Variants in OLFM2 observed in about 807,000 individuals in gnomAD.
OLFM2 encodes the protein noelin-2.
A neutral mutation model predicts 43.9 loss-of-function variants in OLFM2; 20 were observed. The observed-to-expected ratio is 0.46, with a 90% CI of 0.32 to 0.66. The LOEUF (loss-of-function observed/expected upper bound fraction) is 0.66. Among genes scored for constraint, OLFM2 ranks in the 30% least tolerant of loss-of-function variants. The pLI, the probability that OLFM2 is intolerant of heterozygous loss-of-function variation, is 0.04. For synonymous variants in OLFM2, 268 were observed against 278.6 expected, an observed-to-expected ratio of 0.96 and a Z score of 0.38; for missense variants, 416 against 643.6, an observed-to-expected ratio of 0.65 and a Z score of 3.83.
intron 1 of OLFM2, among the ~76,000 whole-genome samples, chr19:9,901,812 A>G (rs1420200944): frequency 6.6e-6 from 1 of 152,212 alleles, no homozygotes; most frequent in Non-Finnish European, 1.5e-5. Context: ...GAGTATCTGG[A>G]CATGCCTGTA....
At chr19:9,919,093 T>C (rs573418811) in intron 1 of OLFM2, among the ~76,000 whole-genome samples, 4 of 152,278 alleles carry the variant, frequency 2.6e-5, no homozygotes, top group East Asian at 3.9e-4. Context: ...TCCCAGCACC[T>C]TGGGAAGCTG....
intron 1 of OLFM2, chr19:9,913,655 C>CA: frequency 8.4e-7 from 1 of 1,189,810 alleles, no homozygotes; most frequent in Non-Finnish European, 1.0e-6. Context: ...GCCCGCCGCG[C>CA]GTCCCTTCTC....
At chr19:9,910,838 T>G (rs1030882900) in intron 1 of OLFM2, among the ~76,000 whole-genome samples, 4 of 151,766 alleles carry the variant, frequency 2.6e-5, no homozygotes, top group Non-Finnish European at 4.4e-5. Context: ...GATGTACAGA[T>G]GGATGGACAG....
intron 1 of OLFM2, among the ~76,000 whole-genome samples, chr19:9,867,447 C>T (rs945867403): frequency 6.6e-6 from 1 of 152,062 alleles, no homozygotes; most frequent in African/African-American, 2.4e-5. Context: ...GCTACAGGGT[C>T]CTGGGGACAG....
chr19:9,864,668 C>G (rs1036591921), intron 1 of OLFM2, among the ~76,000 whole-genome samples: 1 of 151,710 alleles, frequency 6.6e-6, no homozygotes, highest in Non-Finnish European at 1.5e-5. Context: ...TCACCCACCA[C>G]TGGAGTGCAG....
intron 1 of OLFM2, among the ~76,000 whole-genome samples, chr19:9,916,857 T>G (rs1568385821): frequency 6.6e-6 from 1 of 152,170 alleles, no homozygotes; most frequent in Non-Finnish European, 1.5e-5. Context: ...TAGATCATTC[T>G]CACAGTCAGT....
In OLFM2 at chr19:9,936,380, C is replaced by G; in HGVS notation, c.-14G>C. On this transcript the variant is annotated 5_prime_UTR_variant, in exon 1 of 6. Coordinates refer to ENST00000264833, the MANE Select transcript of OLFM2 (RefSeq NM_058164.4). The stretch of plus-strand genomic sequence containing the variant: ...GAGCGGCCACATGACGCGCCCCTAG[C>G]CCGGCGTCCCGACCCCCGCCCGCCC... 1 of 1,437,024 alleles carries G rather than the reference C, an allele frequency of 7.0e-7. No homozygotes were observed. The allele number at this position is 1,437,024 out of a possible 1,614,324, so 89.0% of individuals were successfully genotyped here. A position where few individuals can be genotyped will look rare whatever the true frequency, so the allele number is the denominator to read the frequency against.
intron 1 of OLFM2, among the ~76,000 whole-genome samples, chr19:9,900,955 G>GA (rs1183257743): frequency 3.3e-5 from 1 of 30,040 alleles, no homozygotes; most frequent in Non-Finnish European, 5.7e-5. Flanking sequence ...GGGAAGGAAG[G>GA]AAGGAAGGAA....
chr19:9,911,825 T>G (rs1240037472), intron 1 of OLFM2, among the ~76,000 whole-genome samples: 1 of 152,190 alleles, frequency 6.6e-6, no homozygotes, highest in Non-Finnish European at 1.5e-5. Flanking sequence ...ATTTGGCTTC[T>G]GATTTCAATG....
chr19:9,860,578 G>A, intron 2 of OLFM2, 67 bp downstream of exon 2: 1 of 1,527,964 alleles, frequency 6.5e-7, no homozygotes. Flanking sequence ...CCTGGATGGG[G>A]CTGGAGGGCG....
intron 1 of OLFM2, among the ~76,000 whole-genome samples, chr19:9,933,097 TTCC>T (rs2086493644): frequency 6.6e-6 from 1 of 152,146 alleles, no homozygotes; most frequent in Non-Finnish European, 1.5e-5. Flanking sequence ...GCACCTTCTG[TTCC>T]TCCCACCTTC....
chr19:9,922,273 TACACACACACACAC>T (rs35308457), intron 1 of OLFM2, among the ~76,000 whole-genome samples: 18 of 150,236 alleles, frequency 1.2e-4, no homozygotes, highest in African/African-American at 4.2e-4. Flanking sequence ...AAAATCTAGA[TACACACACACACAC>T]ACACACATTC....
intron 1 of OLFM2, among the ~76,000 whole-genome samples, chr19:9,871,140 G>A (rs1568370782): frequency 6.6e-6 from 1 of 151,930 alleles, no homozygotes; most frequent in African/African-American, 2.4e-5. Flanking sequence ...GCATGGTGGC[G>A]AGAGCCTGTA....
intron 1 of OLFM2, among the ~76,000 whole-genome samples, chr19:9,872,119 C>A (rs574597195): frequency 4.6e-5 from 7 of 152,228 alleles, no homozygotes; most frequent in African/African-American, 1.2e-4. Context: ...TGACAGGGGG[C>A]CACGTCCCTT....
chr19:9,876,265 C>A (rs10402492), intron 1 of OLFM2, among the ~76,000 whole-genome samples: 148,247 of 152,278 alleles, frequency 0.97, 72,451 homozygotes, highest in Middle Eastern at 1. Flanking sequence ...TCAATCCGTC[C>A]GCGTGTGGAA....
chr19:9,861,984 C>T (rs549280618), intron 1 of OLFM2, among the ~76,000 whole-genome samples: 3 of 151,016 alleles, frequency 2.0e-5, no homozygotes, highest in South Asian at 4.2e-4. Context: ...TGCGCCACTG[C>T]GCTCCAGCCT....
chr19:9,916,331 T>C (rs1447183756), intron 1 of OLFM2, among the ~76,000 whole-genome samples: 1 of 152,138 alleles, frequency 6.6e-6, no homozygotes, highest in African/African-American at 2.4e-5. Flanking sequence ...CACTCCAGCC[T>C]GGGCGACAGA....
At chr19:9,872,772 G>A (rs1229074102) in intron 1 of OLFM2, among the ~76,000 whole-genome samples, 1 of 151,140 alleles carries the variant, frequency 6.6e-6, no homozygotes, top group African/African-American at 2.4e-5. Flanking sequence ...TCATTCATCT[G>A]CTCATCCATT....
chr19:9,893,578 C>T (rs899480755), intron 1 of OLFM2, among the ~76,000 whole-genome samples: 1 of 152,208 alleles, frequency 6.6e-6, no homozygotes, highest in Non-Finnish European at 1.5e-5. Flanking sequence ...TACCTGGGTA[C>T]ACCCTGCCCT....
Sources: gnomAD v4.1 joint callset for allele counts (sites outside exome capture counted in the v4.1 genomes callset) on GRCh38, gnomAD v4.1.1 for gene constraint, MANE v1.5 for transcripts, NCBI Gene and HGNC (gene_info 2026-07-23, HGNC 2026-07-21) for gene names.